GRAMD1A: variants seen among roughly 807,000 people sequenced by gnomAD.
GRAMD1A encodes protein Aster-A.
GRAMD1A carries 50 observed loss-of-function variants against 92.0 expected under a neutral mutation model. The observed-to-expected ratio is 0.54, with a 90% CI of 0.43 to 0.69. The LOEUF is 0.69. GRAMD1A is among the 30% of genes least tolerant of loss of function. The pLI is 0.00. For missense variants in GRAMD1A, 819 were observed against 978.9 expected, an observed-to-expected ratio of 0.84 and a Z score of 2.18; for synonymous variants, 405 against 403.6, an observed-to-expected ratio of 1.00 and a Z score of -0.04.
chr19:34,995,916 T>A (rs2014017010), upstream of GRAMD1A: 3 of 942,290 alleles, frequency 3.2e-6, no homozygotes, highest in Non-Finnish European at 4.6e-6. Flanking sequence ...CTCATTTCTC[T>A]TAGTGGAGCC....
intron 6 of GRAMD1A, 106 bp from the exon 7 acceptor site, chr19:35,011,368 G>A (rs1297990442): frequency 4.8e-6 from 4 of 839,126 alleles, no homozygotes; most frequent in Non-Finnish European, 8.2e-6. Context: ...GTGGATTCAT[G>A]GGGCCAAAGA....
chr19:35,022,237 CG>C (rs200671756), intron 16 of GRAMD1A, among the ~76,000 whole-genome samples, 199 bp downstream of exon 16: 4 of 151,508 alleles, frequency 2.6e-5, no homozygotes, highest in South Asian at 2.1e-4. Flanking sequence ...ACAGCAGAGC[CG>C]GGGGGGGCTA....
At chr19:34,999,816 C>A (rs1376666373), upstream of GRAMD1A, among the ~76,000 whole-genome samples, 1 of 152,226 alleles carries the variant, frequency 6.6e-6, no homozygotes, top group East Asian at 1.9e-4. Flanking sequence ...GAAACGGAGG[C>A]ACCGGACCTC....
Position 35,019,254 on chromosome 19 carries a change from C to A in GRAMD1A, c.1277C>A (p.Thr426Asn), listed in dbSNP as rs1477209980. Residue 426 changes from threonine (T) to asparagine (N), a missense_variant, in exon 12 of 20, where the codon ACC (threonine) becomes AAC (asparagine). Around this residue, in one of 3 missense-constraint regions of GRAMD1A, gnomAD observed 577 missense variants for 674.6 expected, o/e 0.86. Coordinates refer to ENST00000317991, the MANE Select transcript of GRAMD1A (RefSeq NM_020895.5). ...CACCAGCGCCGGGTGCTGACGTACA[C>A]CATCCCCATCAGCAACCCACTGGGC... Reference protein sequence around the residue: ...KCHQRRVLTYTIPISNPLGPK... With the variant: ...KCHQRRVLTYNIPISNPLGPK... 1 of 1,613,620 alleles carries A rather than the reference C, an allele frequency of 6.2e-7. No individual in the cohort carries two copies. The highest frequency in any genetic ancestry group is 1.1e-5 in the South Asian group (1 of 91,038).
intron 3 of GRAMD1A, 173 bp downstream of exon 3, chr19:35,009,616 C>T (rs763522094): frequency 2.9e-6 from 2 of 699,446 alleles, no homozygotes; most frequent in South Asian, 1.7e-5. Context: ...GTTACTTAAC[C>T]TCTCTGGGCC....
At chr19:35,014,538 C>T in intron 10 of GRAMD1A, 151 bp downstream of exon 10, 6 of 694,696 alleles carry the variant, frequency 8.6e-6, no homozygotes, top group Non-Finnish European at 1.5e-5. Context: ...TCTGTCTTTA[C>T]TCTGTTTTGA....
At position 35,021,874 on chromosome 19, in the gene GRAMD1A, G is replaced by A. The variant is rs142317917; in HGVS notation, c.1753+10G>A. ...GGCATTCACACCTCGGGTACGTTCCGTTGGGGCCGGGTTGGGGTAGGCGGA... is the reference window on the plus strand; with the variant it reads ...GGCATTCACACCTCGGGTACGTTCCATTGGGGCCGGGTTGGGGTAGGCGGA... On this transcript the variant is annotated intron_variant, in intron 15 of 19. Transcript: ENST00000317991. The surrounding 1 kb of genome is among the most constrained non-coding windows in gnomAD (Gnocchi z 5.3). 2.2e-3 allele frequency: 3,610 copies of A among 1,604,752 alleles called. 52 individuals carry two copies. The African/African-American group carries it at 0.042, about 19-fold the overall frequency.
rs766157442 is a variant in GRAMD1A, at chr19:35,019,449, C to T, written c.1391C>T (p.Thr464Met). The T allele has an allele frequency of 1.6e-5, 26 of 1,613,806 alleles. No homozygotes were observed. The East Asian group carries it at 2.0e-4, about 12-fold the overall frequency. ...TGTGTGGTGGACTCCGAGGTGCTGA[C>T]GCAGGGCATCCCCTACCAGGACTAC... ...GGCVVDSEVL[T>M]QGIPYQDYFY... is the part of the protein sequence containing the mutation. The change falls in exon 13 of 20, where the codon ACG becomes ATG. Residue 464 changes from threonine (T) to methionine (M), a missense_variant. Thr to Met is a moderately conservative substitution (Grantham distance 81). Around this residue, in one of 3 missense-constraint regions of GRAMD1A, gnomAD observed 577 missense variants for 674.6 expected, o/e 0.86. Transcript: ENST00000317991.
At chr19:35,005,966 G>A (rs2014782892) in intron 1 of GRAMD1A, 3 of 456,262 alleles carry the variant, frequency 6.6e-6, no homozygotes, top group East Asian at 6.9e-5. Context: ...CCCAGGTGGT[G>A]GAGGGAATCC....
rs769180473 is a variant in GRAMD1A at position 35,021,480 on chromosome 19, TC to T, written c.1476-18del. The stretch of plus-strand genomic sequence containing the variant: ...GGCTGGAGTCAGACCCTTACCTCCT[TC>T]CCCTGATCTCCCAACCCCAGAGTGT... On this transcript the variant is annotated intron_variant, in intron 13 of 19. Transcript: ENST00000317991. This position sits in a 1 kb window ranked among gnomAD's most constrained non-coding sequence, Gnocchi z 5.3. The T allele has an allele frequency of 6.3e-7, 1 of 1,578,042 alleles. No individual in the cohort carries two copies. The highest frequency in any genetic ancestry group is 2.2e-5 in the East Asian group (1 of 44,698).
At chr19:35,005,893 G>A (rs1210158449) in intron 1 of GRAMD1A, 1 of 456,236 alleles carries the variant, frequency 2.2e-6, no homozygotes, top group South Asian at 1.5e-5. Flanking sequence ...GAAGAACTAC[G>A]ATCTGGACAG....
intron 11 of GRAMD1A, among the ~76,000 whole-genome samples, chr19:35,018,754 C>A (rs2015819812): frequency 6.6e-6 from 1 of 152,136 alleles, no homozygotes; most frequent in Non-Finnish European, 1.5e-5. Context: ...GTGTAGGTAA[C>A]CATCTAGGGG....
In GRAMD1A at chr19:35,010,363, G is replaced by T. The variant is rs2151712600; in HGVS notation, c.509G>T (p.Cys170Phe). 1.2e-6 allele frequency: 2 copies of T among 1,612,606 alleles called. No homozygotes were observed. Among genetic ancestry groups the T allele is most frequent in the South Asian group, 1.1e-5 (1 of 91,058 alleles). ...AKLIPNAIQI[C>F]TESEKHFFTS... ...CTGATCCCCAACGCCATCCAGATCT[G>T]CACGGAGAGCGAGAAGGTGACGGAG... The change falls in exon 6 of 20, where the codon TGC becomes TTC. Residue 170 changes from cysteine (C) to phenylalanine (F), a missense_variant. By Grantham distance (205) the Cys-to-Phe change is radical. Around this residue, in one of 3 missense-constraint regions of GRAMD1A, gnomAD observed 144 missense variants for 220.3 expected, o/e 0.65. Coordinates refer to ENST00000317991, the MANE Select transcript of GRAMD1A (RefSeq NM_020895.5).
chr19:35,007,291 C>T (rs552035632), intron 1 of GRAMD1A, among the ~76,000 whole-genome samples: 33 of 152,294 alleles, frequency 2.2e-4, no homozygotes, highest in African/African-American at 7.7e-4. Context: ...CGGTGGCTCA[C>T]GCCTGTAATC....
chr19:35,010,249 C>T lies in GRAMD1A; in HGVS notation c.430-35C>T, dbSNP rs778907638. The stretch of plus-strand genomic sequence containing the variant: ...GGCGGGGGCCCCCATGGCCAGGCCC[C>T]ACCCCGCTCCTATTGACCCTCCTGC... On this transcript the variant is annotated intron_variant, in intron 5 of 19. Coordinates refer to ENST00000317991, the MANE Select transcript of GRAMD1A (RefSeq NM_020895.5). The T allele has an allele frequency of 3.8e-6, 6 of 1,588,058 alleles. No homozygotes were observed. The South Asian group carries it at 6.6e-5, about 18-fold the overall frequency.
In GRAMD1A at chr19:35,021,543, TG is replaced by T. The variant is rs762231632; in HGVS notation, c.1519del (p.Val507Ter). On this transcript the variant is annotated frameshift_variant, in exon 14 of 20. Coordinates refer to ENST00000317991, the MANE Select transcript of GRAMD1A (RefSeq NM_020895.5). LOFTEE classifies it high-confidence loss of function. This position sits in a 1 kb window ranked among gnomAD's most constrained non-coding sequence, Gnocchi z 5.3. ...CGCTACCGAAAGCAGCCGTGGAGCC[TG>T]GTGAAGTCGCTCATTGAGAAGAACT... ...EIRYRKQPWS[L>X]VKSLIEKNSW... is the part of the protein sequence containing the mutation. The T allele has an allele frequency of 6.2e-7, 1 of 1,614,168 alleles. No homozygotes were observed. Among genetic ancestry groups the T allele is most frequent in the South Asian group, 1.1e-5 (1 of 91,090 alleles).
At position 35,019,221 on chromosome 19, in the gene GRAMD1A, G is replaced by C; in HGVS notation, c.1244G>C (p.Ser415Thr). The change falls in exon 12 of 20, where the codon AGC (serine) becomes ACC (threonine). Residue 415 changes from serine to threonine, a missense_variant. Physicochemically the swap from Ser to Thr is moderately conservative, Grantham distance 58. Coordinates refer to ENST00000317991, the MANE Select transcript of GRAMD1A (RefSeq NM_020895.5). The stretch of plus-strand genomic sequence containing the variant: ...ACGCTGAGCCCCTGGAGTGGGGACA[G>C]CAAGTGCCACCAGCGCCGGGTGCTG... ...DVTLSPWSGD[S>T]KCHQRRVLTY... 6.2e-7 allele frequency: 1 copy of C among 1,612,860 alleles called. No homozygotes were observed. Among genetic ancestry groups the C allele is most frequent in the East Asian group, 2.2e-5 (1 of 44,834 alleles).
intron 11 of GRAMD1A, among the ~76,000 whole-genome samples, chr19:35,016,829 C>T (rs1043992504): frequency 2.0e-4 from 29 of 147,450 alleles, no homozygotes; most frequent in African/African-American, 7.3e-4. Context: ...CACTTGAACT[C>T]GGGAAGCAGA....
chr19:34,995,341 G>A (rs558815917), upstream of GRAMD1A, among the ~76,000 whole-genome samples: 3 of 152,296 alleles, frequency 2.0e-5, no homozygotes, highest in East Asian at 3.9e-4. Context: ...TATGTGGTTC[G>A]GTAAACCTCA....
Sources: allele counts gnomAD v4.1 joint callset (sites outside exome capture counted in the v4.1 genomes callset), GRCh38; gene constraint gnomAD v4.1.1; regional missense constraint gnomAD v4.1.1; non-coding constraint Gnocchi (gnomAD v3.1); transcripts MANE v1.5; gene names NCBI Gene and HGNC (gene_info 2026-07-23, HGNC 2026-07-21).